Variants in NIBAN3 observed in about 807,000 individuals in gnomAD.
NIBAN3 encodes niban apoptosis regulator 3, also known as protein Niban 3.
In NIBAN3, 66 loss-of-function variants were observed where a neutral mutation model predicts 76.4. The ratio of observed to expected loss-of-function variants is 0.86; its 90% CI spans 0.71 to 1.06. The LOEUF (loss-of-function observed/expected upper bound fraction) is 1.06. Among genes scored for constraint, NIBAN3 ranks in the 50% least tolerant of loss-of-function variants. The probability of loss-of-function intolerance (pLI) is 0.00; values close to 1 mark genes in which losing one functional copy is unlikely to be tolerated. For synonymous variants in NIBAN3, 360 were observed against 355.2 expected (o/e 1.01, Z -0.15); for missense variants, 808 against 810.7 (o/e 1.00, Z 0.04).
chr19:17,539,896 G>T lies in NIBAN3; in HGVS notation c.979+131G>T, dbSNP rs567483967. ...CGTGGTCAGAGAGGGGCGGGGCCAA[G>T]CATAGGATGTGCAAGGGAACGGGTG... On this transcript the variant is annotated intron_variant, in intron 8 of 14. Coordinates refer to ENST00000599164, the MANE Select transcript of NIBAN3 (RefSeq NM_001321827.2). 163 of 471,642 alleles carry T rather than the reference G, an allele frequency of 3.5e-4. 3 individuals are homozygous for T. Among genetic ancestry groups the T allele is most frequent in the South Asian group, 3.1e-3 (141 of 46,112 alleles). 29.2% of individuals were successfully genotyped at this position (471,642 alleles called of 1,614,324 possible). A position where few individuals can be genotyped will look rare whatever the true frequency, so the allele number is the denominator to read the frequency against.
intron 10 of NIBAN3, among the ~76,000 whole-genome samples, chr19:17,543,004 G>A (rs2075983462): frequency 6.6e-6 from 1 of 152,194 alleles, no homozygotes; most frequent in Admixed American, 6.5e-5. Context: ...TGTTCAGTTT[G>A]TGCACTGCAC....
chr19:17,554,022 C>T (rs1780111681), downstream of NIBAN3, among the ~76,000 whole-genome samples: 1 of 152,112 alleles, frequency 6.6e-6, no homozygotes, highest in African/African-American at 2.4e-5. Flanking sequence ...AGGCGAAGCG[C>T]CACCATGACC....
chr19:17,539,635 C>CGG lies in NIBAN3; in HGVS notation c.852_853dup (p.Ala285GlyfsTer42). On this transcript the variant is annotated frameshift_variant, in exon 8 of 15. Transcript: ENST00000599164. LOFTEE classifies it high-confidence loss of function. ...ACGCCGTTCACGCAGCTGTCCTGGC[C>CGG]GGGGCCTCCGCCGGGCTCTGCGCCT... 1 of 1,573,700 alleles carries CGG rather than the reference C, an allele frequency of 6.4e-7. No homozygotes were observed. The highest frequency in any genetic ancestry group is 2.4e-5 in the East Asian group (1 of 42,254).
intron 12 of NIBAN3, chr19:17,546,475 A>G (rs965127713): frequency 3.0e-5 from 29 of 967,996 alleles, no homozygotes; most frequent in Non-Finnish European, 3.7e-5. Flanking sequence ...TCAGCCAACC[A>G]AAGTGCTGGG....
chr19:17,535,041 A>C (rs2075801247), intron 4 of NIBAN3, among the ~76,000 whole-genome samples: 1 of 152,222 alleles, frequency 6.6e-6, no homozygotes, highest in Admixed American at 6.5e-5. Context: ...CAAAGGACAC[A>C]AAAATGTAGT....
chr19:17,539,336 CT>C lies in NIBAN3; in HGVS notation c.712-10del. 1 of 1,549,820 alleles carries C rather than the reference CT, an allele frequency of 6.5e-7. No homozygotes were observed. The highest frequency in any genetic ancestry group is 8.7e-7 in the Non-Finnish European group (1 of 1,147,996). On this transcript the variant is annotated splice_polypyrimidine_tract_variant and intron_variant, in intron 6 of 14. Coordinates refer to ENST00000599164, the MANE Select transcript of NIBAN3 (RefSeq NM_001321827.2). ...GGCCGACCGCGGCGCCCATGGCCCC[CT>C]CTCCTGCAGGTGCTGACCGCGGTGC...
At chr19:17,534,588 A>G (rs530054553) in intron 4 of NIBAN3, among the ~76,000 whole-genome samples, 10 of 152,168 alleles carry the variant, frequency 6.6e-5, no homozygotes, top group South Asian at 2.1e-4. Context: ...TCAGGAGATC[A>G]AGACCATCCT....
chr19:17,523,914 G>A (rs553797619), upstream of NIBAN3, among the ~76,000 whole-genome samples: 4 of 152,038 alleles, frequency 2.6e-5, no homozygotes, highest in Non-Finnish European at 4.4e-5. Context: ...GGGGGGACAC[G>A]GTCTTGCTCT....
chr19:17,553,810 TCTTA>T (rs1184749750), downstream of NIBAN3: 8 of 408,736 alleles, frequency 2.0e-5, no homozygotes, highest in South Asian at 2.2e-4. Flanking sequence ...ACCTCCTTTT[TCTTA>T]CTTAATATGA....
Position 17,540,445 on chromosome 19 carries a change from C to A in NIBAN3, c.1033C>A (p.Leu345Met). The A allele has an allele frequency of 6.4e-7, 1 of 1,553,984 alleles. No individual in the cohort carries two copies. Among genetic ancestry groups the A allele is most frequent in the South Asian group, 1.2e-5 (1 of 85,036 alleles). ...SCLRREVDPQ[L>M]PRVVQTLLRT... is the part of the protein sequence containing the mutation. ...CCTGCGCCGGGAGGTGGACCCGCAG[C>A]TGCCCCGGGTCGTGCAGACCCTGCT... Residue 345 changes from leucine to methionine, a missense_variant, in exon 9 of 15, where the codon CTG becomes ATG. Leu to Met is a conservative substitution (Grantham distance 15). Coordinates refer to ENST00000599164, the MANE Select transcript of NIBAN3 (RefSeq NM_001321827.2).
chr19:17,544,705 G>C (rs544495202), intron 12 of NIBAN3, among the ~76,000 whole-genome samples: 1 of 152,302 alleles, frequency 6.6e-6, no homozygotes, highest in Admixed American at 6.5e-5. Context: ...AGGTCAGCGG[G>C]AGTCCTAGGT....
intron 13 of NIBAN3, among the ~76,000 whole-genome samples, chr19:17,547,246 C>T (rs1178145916): frequency 4.0e-5 from 6 of 148,472 alleles, no homozygotes; most frequent in Admixed American, 6.7e-5. Flanking sequence ...CCCAGCTACT[C>T]GGGAGGCTGA....
Position 17,549,508 on chromosome 19 carries a change from A to G in NIBAN3, c.1731A>G (p.Pro577=). 1 of 1,613,726 alleles carries G rather than the reference A, an allele frequency of 6.2e-7. No individual in the cohort carries two copies. Among genetic ancestry groups the G allele is most frequent in the South Asian group, 1.1e-5 (1 of 91,076 alleles). The change falls in exon 14 of 15, where the codon CCA becomes CCG. Residue 577 remains proline (P), a synonymous_variant. Transcript: ENST00000599164. The stretch of plus-strand genomic sequence containing the variant: ...CTCTGGACGGCTGCTTGGAGGTCCC[A>G]TGGGAACAGGAGGGAGCAGGTGGGG... ...SCTLDGCLEV[P]WEQEGADEET...
At chr19:17,523,461 T>C (rs1353210400), upstream of NIBAN3, 16 of 1,562,740 alleles carry the variant, frequency 1.0e-5, no homozygotes, top group Non-Finnish European at 1.3e-5. Flanking sequence ...CGGAAGGAGG[T>C]TGGTAAACAG....
intron 12 of NIBAN3, chr19:17,545,479 C>A: frequency 5.4e-6 from 1 of 186,494 alleles, no homozygotes; most frequent in Non-Finnish European, 1.1e-5. Context: ...CCACTACTAC[C>A]AAGTTGCGGA....
chr19:17,532,037 T>A (rs922703380), intron 2 of NIBAN3, among the ~76,000 whole-genome samples: 1 of 152,204 alleles, frequency 6.6e-6, no homozygotes, highest in African/African-American at 2.4e-5. Context: ...GGGGCTGAGA[T>A]TTTTTGCCTC....
rs1299580331 is a variant in NIBAN3, at chr19:17,542,108, T to C, written c.1171-28T>C. On this transcript the variant is annotated intron_variant, in intron 9 of 14. Coordinates refer to ENST00000599164, the MANE Select transcript of NIBAN3 (RefSeq NM_001321827.2). This position sits in a 1 kb window ranked among gnomAD's most constrained non-coding sequence, Gnocchi z 4.8. ...CTTTGCAATCAGCTGACAGCATTTT[T>C]CCCCCAAAACTGCTTCCGGGAGCAC... 1 of 1,613,946 alleles carries C rather than the reference T, an allele frequency of 6.2e-7. No individual in the cohort carries two copies. The highest frequency in any genetic ancestry group is 8.5e-7 in the Non-Finnish European group (1 of 1,179,938).
intron 5 of NIBAN3, among the ~76,000 whole-genome samples, chr19:17,538,729 AG>A (rs1018267913): frequency 3.2e-5 from 2 of 63,346 alleles, no homozygotes; most frequent in Admixed American, 3.4e-4. Flanking sequence ...GAAGAAAGAA[AG>A]CAAGAAAGAA....
rs2075926360 is a variant in NIBAN3 at position 17,540,464 on chromosome 19, C to A, written c.1052C>A (p.Thr351Asn). ...VDPQLPRVVQ[T>N]LLRTVEASLE... ...CCGCAGCTGCCCCGGGTCGTGCAGA[C>A]CCTGCTGCGCACCGTGGAAGCCTCG... is the stretch of plus-strand genomic sequence containing the variant. Residue 351 changes from threonine to asparagine, a missense_variant, in exon 9 of 15, where the codon ACC becomes AAC. Physicochemically the swap from Thr to Asn is moderately conservative, Grantham distance 65 (BLOSUM62 0). Coordinates refer to ENST00000599164, the MANE Select transcript of NIBAN3 (RefSeq NM_001321827.2). The A allele has an allele frequency of 7.5e-6, 12 of 1,591,524 alleles. No homozygotes were observed. Among genetic ancestry groups the A allele is most frequent in the African/African-American group, 4.1e-5 (3 of 73,298 alleles).
Sources: gnomAD v4.1 joint callset for allele counts (sites outside exome capture counted in the v4.1 genomes callset) on GRCh38, gnomAD v4.1.1 for gene constraint, Gnocchi (gnomAD v3.1) non-coding constraint, MANE v1.5 for transcripts, NCBI Gene and HGNC (gene_info 2026-07-23, HGNC 2026-07-21) for gene names.